Variants in GMIP observed in about 807,000 individuals in gnomAD.
GMIP encodes GEM interacting protein.
A neutral mutation model predicts 105.3 loss-of-function variants in GMIP; 54 were observed. The ratio of observed to expected loss-of-function variants is 0.51; its 90% confidence interval spans 0.41 to 0.64. The LOEUF (loss-of-function observed/expected upper bound fraction) is 0.64. Among genes scored for constraint, GMIP ranks in the 30% least tolerant of loss-of-function variants. The pLI, the probability that GMIP is intolerant of heterozygous loss-of-function variation, is 0.00. For missense variants in GMIP, 1,110 were observed against 1,319.4 expected, an observed-to-expected ratio of 0.84 and a Z score of 2.46; for synonymous variants, 541 against 560.8, an observed-to-expected ratio of 0.96 and a Z score of 0.50.
At chr19:19,636,848 T>G (rs767128061) in intron 12 of GMIP, 52 bp from the exon 13 acceptor site, 14 of 1,566,306 alleles carry the variant, frequency 8.9e-6, no homozygotes, top group Non-Finnish European at 1.8e-6. Flanking sequence ...ACCCCACTCC[T>G]GCAGCCCACC....
rs1418333411 is a variant in GMIP, at chr19:19,641,825, G to A, written c.223C>T (p.Pro75Ser). The part of the protein sequence containing the change: ...SCWSGPSPEG[P>S]VPLTGEELDL... ...ACCCCCCTACCTGTGAGGGGTACAG[G>A]ACCCTCTGGGGAGGGGCCGCTCCAA... Residue 75 changes from proline to serine, a missense_variant, in exon 4 of 21, where the codon CCT becomes TCT. Pro to Ser is a moderately conservative substitution (Grantham distance 74). This residue lies in a region of GMIP where 667 missense variants were observed against 773.2 expected (regional missense o/e 0.86). Transcript: ENST00000203556. The A allele has an allele frequency of 1.2e-6, 2 of 1,611,808 alleles. No individual in the cohort carries two copies. Among genetic ancestry groups the A allele is most frequent in the Admixed American group, 3.3e-5 (2 of 59,970 alleles).
chr19:19,641,697 G>T, intron 4 of GMIP, 113 bp downstream of exon 4: 1 of 808,588 alleles, frequency 1.2e-6, no homozygotes, highest in Non-Finnish European at 2.1e-6. Context: ...TGTGTGTACT[G>T]CCATATTCCC....
Position 19,635,175 on chromosome 19 carries a change from G to T in GMIP, c.1599C>A (p.Leu533=). Residue 533 remains leucine (L), a synonymous_variant, in exon 16 of 21, where the codon CTC becomes CTA. Transcript: ENST00000203556. This position sits in a 1 kb window ranked among gnomAD's most constrained non-coding sequence, Gnocchi z 4.7. ...GCCGCCTGTGTCCACAGAGGATCAGGAGAGTCTCCAGGCAGCGCTTGTGGC... is the reference window on the plus strand; with the variant it reads ...GCCGCCTGTGTCCACAGAGGATCAGTAGAGTCTCCAGGCAGCGCTTGTGGC... ...LTCHKRCLET[L]LILCGHRRLP... 1 of 1,613,894 alleles carries T rather than the reference G, an allele frequency of 6.2e-7. No homozygotes were observed. Among genetic ancestry groups the T allele is most frequent in the Non-Finnish European group, 8.5e-7 (1 of 1,179,844 alleles).
At chr19:19,641,752 T>G in intron 4 of GMIP, 58 bp downstream of exon 4, 3 of 1,218,212 alleles carry the variant, frequency 2.5e-6, no homozygotes, top group Non-Finnish European at 3.6e-6. Context: ...TCAGTGGTGA[T>G]TTGTTGAAGG....
At position 19,638,458 on chromosome 19, in the gene GMIP, T is replaced by G. The variant is rs1336775289; in HGVS notation, c.562A>C (p.Ile188Leu). The G allele has an allele frequency of 3.7e-6, 6 of 1,613,980 alleles. No individual in the cohort carries two copies. In the Admixed American group the frequency reaches 1.0e-4, roughly 27 times the overall value. ...TTGAACTCCTTCCGCCACTTCTCAATCTCAGTCCGTTTGGCGGCGAGGGGC... is the reference window on the plus strand; with the variant it reads ...TTGAACTCCTTCCGCCACTTCTCAAGCTCAGTCCGTTTGGCGGCGAGGGGC... ...YQPLAAKRTE[I>L]EKWRKEFKEQ... The change falls in exon 8 of 21, where the codon ATT becomes CTT. Residue 188 changes from isoleucine (I) to leucine (L), a missense_variant. By Grantham distance (5) the Ile-to-Leu change is conservative (BLOSUM62 2). Transcript: ENST00000203556.
chr19:19,636,853 C>A, intron 12 of GMIP, 57 bp from the exon 13 acceptor site: 2 of 1,550,104 alleles, frequency 1.3e-6, no homozygotes, highest in Non-Finnish European at 8.9e-7. Flanking sequence ...ACTCCTGCAG[C>A]CCACCTATGT....
At chr19:19,640,270 C>T (rs1450336486) in intron 6 of GMIP, 26 bp downstream of exon 6, 2 of 1,609,234 alleles carry the variant, frequency 1.2e-6, no homozygotes, top group African/African-American at 2.7e-5. Flanking sequence ...GGCTTGGGCT[C>T]TCCGGGGGGG....
intron 1 of GMIP, 109 bp from the exon 2 acceptor site, chr19:19,642,728 G>C (rs1004043160): frequency 3.7e-6 from 2 of 537,160 alleles, no homozygotes; most frequent in South Asian, 2.4e-5. Context: ...GAGTGAGAGA[G>C]AGAAAGAGAG....
chr19:19,639,891 G>T (rs779333467), intron 7 of GMIP, among the ~76,000 whole-genome samples, 194 bp downstream of exon 7: 1 of 152,128 alleles, frequency 6.6e-6, no homozygotes, highest in Non-Finnish European at 1.5e-5. Flanking sequence ...TGCACAGGAA[G>T]CCCAGCTTGA....
In GMIP at chr19:19,637,989, C is replaced by A; in HGVS notation, c.858G>T (p.Glu286Asp). The change falls in exon 10 of 21, where the codon GAG becomes GAT. Residue 286 changes from glutamate (E) to aspartate (D), a missense_variant. Transcript: ENST00000203556. This position sits in a 1 kb window ranked among gnomAD's most constrained non-coding sequence, Gnocchi z 6.7. ...GCGACACGATTCGCTGCTTGGCGAT[C>A]TCCAGGTCCTGCTGCCGCGCGTTGG... ...REANARQQDL[E>D]IAKQRIVSHV... 6.2e-7 allele frequency: 1 copy of A among 1,611,074 alleles called. No individual in the cohort carries two copies. Among genetic ancestry groups the A allele is most frequent in the Non-Finnish European group, 8.5e-7 (1 of 1,179,268 alleles).
Position 19,631,724 on chromosome 19 carries a change from C to A in GMIP, c.2473-1187G>T, listed in dbSNP as rs186429146. Among the ~76,000 whole-genome samples the A allele has an allele frequency of 7.5e-3, 1,130 of 150,608 alleles. 18 individuals are homozygous for A. The highest frequency in any genetic ancestry group is 0.026 in the African/African-American group (1,055 of 41,012). On this transcript the variant is annotated intron_variant, in intron 19 of 20. Coordinates refer to ENST00000203556, the MANE Select transcript of GMIP (RefSeq NM_016573.4). ...GCCAGGCGGCCGGGTGCAGTGGCTC[C>A]AGCCTGTAATCCCAGCACTTTGGGA...
At chr19:19,631,542 G>C (rs958966006) in intron 19 of GMIP, among the ~76,000 whole-genome samples, 6 of 152,236 alleles carry the variant, frequency 3.9e-5, no homozygotes, top group Admixed American at 6.5e-5. Flanking sequence ...CTGCAGGAGA[G>C]ATCCTTGCTC....
In GMIP at chr19:19,634,921, G is replaced by A. The variant is rs2061837339; in HGVS notation, c.1758C>T (p.Tyr586=). 1 of 1,613,958 alleles carries A rather than the reference G, an allele frequency of 6.2e-7. No homozygotes were observed. The highest frequency in any genetic ancestry group is 8.5e-7 in the Non-Finnish European group (1 of 1,180,042). ...CACGGACCCGGGACCCGCTGACCCG[G>A]TAAATGCCCTGCAGGGTGAGGGTGA... The part of the protein sequence containing the change: ...EHRALDVQGI[Y]RVSGSRVRVE... The change falls in exon 17 of 21, where the codon TAC becomes TAT. Residue 586 remains tyrosine (Y), a synonymous_variant. Coordinates refer to ENST00000203556, the MANE Select transcript of GMIP (RefSeq NM_016573.4). This position sits in a 1 kb window ranked among gnomAD's most constrained non-coding sequence, Gnocchi z 6.1.
intron 8 of GMIP, 32 bp from the exon 9 acceptor site, chr19:19,638,361 CCTCT>C (rs749561874): frequency 3.7e-6 from 6 of 1,613,716 alleles, no homozygotes; most frequent in Middle Eastern, 1.6e-4. Context: ...AGCGTCCCGG[CCTCT>C]CTCTCACCCT....
At chr19:19,631,921 G>C (rs2061799571) in intron 19 of GMIP, among the ~76,000 whole-genome samples, 1 of 151,366 alleles carries the variant, frequency 6.6e-6, no homozygotes. Flanking sequence ...CTGGGAGGCA[G>C]AGCTTGCAGT....
chr19:19,635,628 C>A lies in GMIP; in HGVS notation c.1405+16G>T. On this transcript the variant is annotated intron_variant, in intron 14 of 20. Coordinates refer to ENST00000203556, the MANE Select transcript of GMIP (RefSeq NM_016573.4). The surrounding 1 kb of genome is among the most constrained non-coding windows in gnomAD (Gnocchi z 4.7). ...CCTGCCCTGTCCCATCCTGACCTAC[C>A]CTGCTTCAGCCTCACCAGGGTCTCG... 1 of 1,613,956 alleles carries A rather than the reference C, an allele frequency of 6.2e-7. No homozygotes were observed. Among genetic ancestry groups the A allele is most frequent in the South Asian group, 1.1e-5 (1 of 91,074 alleles).
In GMIP at chr19:19,637,347, C is replaced by T. The variant is rs1378257025; in HGVS notation, c.1124+18G>A. On this transcript the variant is annotated intron_variant, in intron 11 of 20. Coordinates refer to ENST00000203556, the MANE Select transcript of GMIP (RefSeq NM_016573.4). This position sits in a 1 kb window ranked among gnomAD's most constrained non-coding sequence, Gnocchi z 6.7. ...CGATTCCGGGGCTCGTTCCCGACTC[C>T]CTGCTCCAGTGACCCACCTGTTCAA... 2 of 1,475,892 alleles carry T rather than the reference C, an allele frequency of 1.4e-6. No homozygotes were observed. Among genetic ancestry groups the T allele is most frequent in the Non-Finnish European group, 1.8e-6 (2 of 1,108,882 alleles). 91.4% of individuals were successfully genotyped at this position (1,475,892 alleles called of 1,614,324 possible). A position where few individuals can be genotyped will look rare whatever the true frequency, so the allele number is the denominator to read the frequency against.
intron 12 of GMIP, 58 bp downstream of exon 12, chr19:19,636,859 T>C: frequency 6.5e-7 from 1 of 1,528,898 alleles, no homozygotes; most frequent in Non-Finnish European, 9.0e-7. Context: ...GCAGCCCACC[T>C]ATGTGTTGGT....
In GMIP at chr19:19,637,648, C is replaced by T. The variant is rs779807477; in HGVS notation, c.928-87G>A. ...GAGCTGGGGCGGGGCTTGAGAGACGCGAACGTGGTCAGGGTTTGGGACGCA... is the reference window on the plus strand; with the variant it reads ...GAGCTGGGGCGGGGCTTGAGAGACGTGAACGTGGTCAGGGTTTGGGACGCA... On this transcript the variant is annotated intron_variant, in intron 10 of 20. Transcript: ENST00000203556. The surrounding 1 kb of genome is among the most constrained non-coding windows in gnomAD (Gnocchi z 6.7). The T allele has an allele frequency of 8.4e-5, 95 of 1,134,912 alleles. No homozygotes were observed. Among genetic ancestry groups the T allele is most frequent in the Non-Finnish European group, 1.1e-4 (93 of 832,090 alleles). The allele number at this position is 1,134,912 out of a possible 1,614,324, so 70.3% of individuals were successfully genotyped here. A position where few individuals can be genotyped will look rare whatever the true frequency, so the allele number is the denominator to read the frequency against.
Sources: gnomAD v4.1 joint callset for allele counts (sites outside exome capture counted in the v4.1 genomes callset) on GRCh38, gnomAD v4.1.1 for gene constraint, gnomAD v4.1.1 regional missense constraint, Gnocchi (gnomAD v3.1) non-coding constraint, MANE v1.5 for transcripts, NCBI Gene and HGNC (gene_info 2026-07-23, HGNC 2026-07-21) for gene names.